KATNIP: variants seen among roughly 807,000 people sequenced by gnomAD.
KATNIP encodes katanin interacting protein.
KATNIP carries 126 observed loss-of-function variants against 174.0 expected under a neutral mutation model. That is an observed-to-expected ratio of 0.72 (90% CI 0.63 to 0.84). KATNIP has a LOEUF of 0.84. Ranked by LOEUF, KATNIP falls within the 40% of genes least tolerant of loss-of-function variation. The pLI, the probability that KATNIP is intolerant of heterozygous loss-of-function variation, is 0.00. For synonymous variants in KATNIP, 810 were observed against 835.7 expected, an observed-to-expected ratio of 0.97 and a Z score of 0.53; for missense variants, 1,958 against 2,109.7, an observed-to-expected ratio of 0.93 and a Z score of 1.41.
intron 13 of KATNIP, among the ~76,000 whole-genome samples, chr16:27,712,465 T>C (rs146952989): frequency 6.6e-6 from 1 of 152,264 alleles, no homozygotes; most frequent in Non-Finnish European, 1.5e-5. Context: ...GAAAACAAGA[T>C]GCAGTGAGGA....
chr16:27,663,440 A>G (rs909185816), intron 6 of KATNIP, among the ~76,000 whole-genome samples: 7 of 149,510 alleles, frequency 4.7e-5, no homozygotes, highest in South Asian at 2.1e-4. Flanking sequence ...TTATTTGTTT[A>G]TTTATTTATT....
At chr16:27,624,903 T>C (rs975873761) in intron 3 of KATNIP, among the ~76,000 whole-genome samples, 1 of 152,094 alleles carries the variant, frequency 6.6e-6, no homozygotes, top group Non-Finnish European at 1.5e-5. Flanking sequence ...CAGAGTCCAG[T>C]GCGGGGGAAG....
At chr16:27,625,886 G>A (rs1240294657) in intron 3 of KATNIP, among the ~76,000 whole-genome samples, 3 of 148,682 alleles carry the variant, frequency 2.0e-5, no homozygotes, top group Admixed American at 1.4e-4. Context: ...GTCTCTGTCT[G>A]TCACCCGGGC....
At chr16:27,563,891 TAAAAAAAAAAAAA>T (rs58505514) in intron 1 of KATNIP, among the ~76,000 whole-genome samples, 2 of 66,682 alleles carry the variant, frequency 3.0e-5, no homozygotes, top group African/African-American at 1.3e-4. Context: ...TCTAGTAAAT[TAAAAAAAAAAAAA>T]AAAAAAAAAA....
chr16:27,580,360 C>G (rs1339967136), intron 2 of KATNIP, among the ~76,000 whole-genome samples: 1 of 152,162 alleles, frequency 6.6e-6, no homozygotes, highest in African/African-American at 2.4e-5. Flanking sequence ...CAGTCCTCCC[C>G]TCTTGGCCTC....
At position 27,698,310 on chromosome 16, in the gene KATNIP, C is replaced by T. The variant is rs1555476573; in HGVS notation, c.941-18C>T. ...AGAATATAATCTAAAAGAACGTCCCCCTGTCTTCTGCCCTCAGGACCTGGA... is the reference window on the plus strand; with the variant it reads ...AGAATATAATCTAAAAGAACGTCCCTCTGTCTTCTGCCCTCAGGACCTGGA... On this transcript the variant is annotated intron_variant, in intron 8 of 27. Coordinates refer to ENST00000261588, the MANE Select transcript of KATNIP (RefSeq NM_015202.5). The T allele has an allele frequency of 1.9e-6, 3 of 1,596,520 alleles. No individual in the cohort carries two copies. Among genetic ancestry groups the T allele is most frequent in the East Asian group, 2.2e-5 (1 of 44,448 alleles).
At chr16:27,741,473 A>T (rs1016751331) in intron 15 of KATNIP, among the ~76,000 whole-genome samples, 1 of 152,126 alleles carries the variant, frequency 6.6e-6, no homozygotes, top group Non-Finnish European at 1.5e-5. Flanking sequence ...CACAAGTGTG[A>T]TGATGCATAG....
At chr16:27,762,872 T>G (rs2082000233) in intron 19 of KATNIP, among the ~76,000 whole-genome samples, 1 of 152,208 alleles carries the variant, frequency 6.6e-6, no homozygotes, top group South Asian at 2.1e-4. Flanking sequence ...CAGTGCGGCT[T>G]ATGGATCCTT....
chr16:27,632,581 A>G, intron 5 of KATNIP: 1 of 456,384 alleles, frequency 2.2e-6, no homozygotes, highest in South Asian at 1.5e-5. Flanking sequence ...CATCCTCTAT[A>G]GAGGGGTCAG....
Position 27,777,701 on chromosome 16 carries a change from T to G in KATNIP, c.4643T>G (p.Val1548Gly). Residue 1548 changes from valine to glycine, a missense_variant, in exon 26 of 28, where the codon GTG (valine) becomes GGG (glycine). Val to Gly is a moderately radical substitution (Grantham distance 109). This residue lies in a region of KATNIP where 383 missense variants were observed against 456.0 expected (regional missense o/e 0.84). Transcript: ENST00000261588. This position sits in a 1 kb window ranked among gnomAD's most constrained non-coding sequence, Gnocchi z 4.4. Reference protein sequence around the residue: ...GGILPTCEPTVPYHTILFTED... With the variant: ...GGILPTCEPTGPYHTILFTED... ...ATCCTGCCCACATGTGAGCCCACCG[T>G]GCCCTACCACACCATCCTCTTCACC... 1 of 1,614,012 alleles carries G rather than the reference T, an allele frequency of 6.2e-7. No homozygotes were observed. The highest frequency in any genetic ancestry group is 8.5e-7 in the Non-Finnish European group (1 of 1,179,996).
intron 6 of KATNIP, among the ~76,000 whole-genome samples, chr16:27,671,622 C>T (rs769580705): frequency 6.6e-6 from 1 of 152,158 alleles, no homozygotes; most frequent in Non-Finnish European, 1.5e-5. Context: ...AAATAGATCT[C>T]GAGGCCTCCT....
intron 18 of KATNIP, among the ~76,000 whole-genome samples, chr16:27,756,262 C>T (rs538056880): frequency 1.3e-5 from 2 of 152,350 alleles, no homozygotes; most frequent in African/African-American, 4.8e-5. Context: ...CTCATAGCCC[C>T]TTACATTCCA....
chr16:27,632,570 G>A (rs943064688), intron 5 of KATNIP: 5 of 454,108 alleles, frequency 1.1e-5, no homozygotes, highest in African/African-American at 1.0e-4. Flanking sequence ...CCCTCACTGT[G>A]CATCCTCTAT....
chr16:27,741,068 G>A (rs914407006), intron 15 of KATNIP, 148 bp downstream of exon 15: 8 of 805,390 alleles, frequency 9.9e-6, no homozygotes, highest in Non-Finnish European at 1.4e-5. Context: ...ACTGTCTCAG[G>A]GGCCAAAGAG....
intron 21 of KATNIP, 114 bp from the exon 22 acceptor site, chr16:27,771,474 C>G: frequency 3.2e-6 from 3 of 946,646 alleles, no homozygotes; most frequent in Non-Finnish European, 3.2e-6. Flanking sequence ...CCTGCTGCAT[C>G]CTAGGGAACG....
chr16:27,623,563 G>A (rs1434018510), intron 3 of KATNIP, among the ~76,000 whole-genome samples: 2 of 152,068 alleles, frequency 1.3e-5, no homozygotes, highest in Admixed American at 6.6e-5. Flanking sequence ...GGACTCAAGC[G>A]ATCCTCTTGC....
At chr16:27,608,809 C>A (rs1187357138) in intron 2 of KATNIP, among the ~76,000 whole-genome samples, 5 of 152,150 alleles carry the variant, frequency 3.3e-5, no homozygotes, top group Admixed American at 2.0e-4. Flanking sequence ...GTGTCACATC[C>A]AAACTCCTTG....
At chr16:27,624,229 C>A (rs1596973330) in intron 3 of KATNIP, among the ~76,000 whole-genome samples, 1 of 152,274 alleles carries the variant, frequency 6.6e-6, no homozygotes, top group East Asian at 1.9e-4. Context: ...CTTGTGTTCA[C>A]TGGGTCCTCC....
chr16:27,775,111 G>A (rs1257597231), intron 24 of KATNIP, 27 bp downstream of exon 24: 1 of 1,602,556 alleles, frequency 6.2e-7, no homozygotes, highest in Admixed American at 1.7e-5. Flanking sequence ...GGCCACCGCA[G>A]CTCCTGGCCC....
Sources: allele counts gnomAD v4.1 joint callset (sites outside exome capture counted in the v4.1 genomes callset), GRCh38; gene constraint gnomAD v4.1.1; regional missense constraint gnomAD v4.1.1; non-coding constraint Gnocchi (gnomAD v3.1); transcripts MANE v1.5; gene names NCBI Gene and HGNC (gene_info 2026-07-23, HGNC 2026-07-21).